The following COL4A3 variants were observed in gnomAD, a reference collection of about 807,000 sequenced individuals.
COL4A3 encodes collagen type IV alpha 3 chain.
COL4A3 carries 135 observed loss-of-function variants against 217.4 expected under a neutral mutation model. The ratio of observed to expected loss-of-function variants is 0.62; its 90% CI spans 0.54 to 0.72. The LOEUF is 0.72. Ranked by LOEUF, COL4A3 falls within the 30% of genes least tolerant of loss-of-function variation. The probability of loss-of-function intolerance (pLI) is 0.00; values close to 1 mark genes in which losing one functional copy is unlikely to be tolerated. For synonymous variants in COL4A3, 690 were observed against 736.3 expected, an observed-to-expected ratio of 0.94 and a Z score of 1.02; for missense variants, 1,868 against 2,119.9, an observed-to-expected ratio of 0.88 and a Z score of 2.33.
intron 1 of COL4A3, among the ~76,000 whole-genome samples, chr2:227,226,004 G>C (rs1284710777): frequency 6.6e-6 from 1 of 152,070 alleles, no homozygotes; most frequent in Admixed American, 6.6e-5. Flanking sequence ...GAGCCACCAT[G>C]CCCAGCCAGG....
At position 227,280,696 on chromosome 2, in the gene COL4A3, T is replaced by TCCTG. The variant is rs561974507; in HGVS notation, c.2374+109_2374+112dup. On this transcript the variant is annotated intron_variant, in intron 30 of 51. Coordinates refer to ENST00000396578, the MANE Select transcript of COL4A3 (RefSeq NM_000091.5). ...CATGAAGAATTCTCCCATCCAATGT[T>TCCTG]CCTGCCCTACCTTTCTTCCTTCTTT... is the stretch of plus-strand genomic sequence containing the variant. 134 of 1,338,086 alleles carry TCCTG rather than the reference T, an allele frequency of 1.0e-4. 1 individual carries two copies. In the East Asian group the frequency reaches 2.9e-3, roughly 29 times the overall value. The allele number at this position is 1,338,086 out of a possible 1,614,324, so 82.9% of individuals were successfully genotyped here.
At chr2:227,222,918 A>C (rs1369098186) in intron 1 of COL4A3, among the ~76,000 whole-genome samples, 1 of 152,262 alleles carries the variant, frequency 6.6e-6, no homozygotes, top group Non-Finnish European at 1.5e-5. Flanking sequence ...GTTCAGACTC[A>C]GCACTGATGG....
At chr2:227,222,091 C>T (rs1004504552) in intron 1 of COL4A3, among the ~76,000 whole-genome samples, 1 of 148,644 alleles carries the variant, frequency 6.7e-6, no homozygotes, top group African/African-American at 2.5e-5. Context: ...GAGTTTGAGA[C>T]CAGCCTGGAC....
rs1285083262 is a variant in COL4A3, at chr2:227,250,553, A to G, written c.547-587A>G. ...TATATATTGCCTTCATAGAGCTTAC[A>G]TTCTCATGGGGGAAACAAAAGCGTG... On this transcript the variant is annotated intron_variant, in intron 9 of 51. Coordinates refer to ENST00000396578, the MANE Select transcript of COL4A3 (RefSeq NM_000091.5). This position sits in a 1 kb window ranked among gnomAD's most constrained non-coding sequence, Gnocchi z 4.1. 1.3e-5 allele frequency among the ~76,000 whole-genome samples: 2 copies of G among 152,124 alleles called. No homozygotes were observed. The highest frequency in any genetic ancestry group is 6.6e-5 in the Admixed American group (1 of 15,260).
At position 227,280,548 on chromosome 2, in the gene COL4A3, C is replaced by A; in HGVS notation, c.2332C>A (p.Leu778Ile). The A allele has an allele frequency of 1.9e-6, 3 of 1,613,670 alleles. No individual in the cohort carries two copies. Among genetic ancestry groups the A allele is most frequent in the Non-Finnish European group, 2.5e-6 (3 of 1,179,584 alleles). The part of the protein sequence containing the change: ...GEIGLPGLPG[L>I]PGTPGNEGLD... ...AATTGGACTCCCTGGACTTCCAGGT[C>A]TCCCTGGAACTCCAGGAAATGAAGG... The change falls in exon 30 of 52, where the codon CTC becomes ATC. Residue 778 changes from leucine to isoleucine, a missense_variant. Leu to Ile is a conservative substitution (Grantham distance 5). This residue lies in a region of COL4A3 where 1,503 missense variants were observed against 1,786.1 expected (regional missense o/e 0.84). Coordinates refer to ENST00000396578, the MANE Select transcript of COL4A3 (RefSeq NM_000091.5).
At chr2:227,255,974 A>G (rs945712636) in intron 15 of COL4A3, 52 bp from the exon 16 acceptor site, 2 of 1,563,078 alleles carry the variant, frequency 1.3e-6, no homozygotes, top group African/African-American at 2.7e-5. Context: ...CCGTATTTGT[A>G]AAGTTAGCCA....
At chr2:227,202,893 A>G (rs1474719634) in intron 1 of COL4A3, among the ~76,000 whole-genome samples, 1 of 39,558 alleles carries the variant, frequency 2.5e-5, no homozygotes, top group Non-Finnish European at 4.2e-5. Context: ...ATGTGTATAT[A>G]TGTGTATATA....
At position 227,166,144 on chromosome 2, in the gene COL4A3, C is replaced by A. The variant is rs574492724; in HGVS notation, c.87+1331C>A. ...CACAATATGCCAAAGTTAATTGAACCATTTCCCTATCAGTTTACATTTAGA... is the reference window on the plus strand; with the variant it reads ...CACAATATGCCAAAGTTAATTGAACAATTTCCCTATCAGTTTACATTTAGA... On this transcript the variant is annotated intron_variant, in intron 1 of 51. Coordinates refer to ENST00000396578, the MANE Select transcript of COL4A3 (RefSeq NM_000091.5). 3.9e-5 allele frequency among the ~76,000 whole-genome samples: 6 copies of A among 152,302 alleles called. No individual in the cohort carries two copies. The East Asian group carries it at 5.8e-4, about 15-fold the overall frequency.
At chr2:227,171,612 TTC>T (rs527797706) in intron 1 of COL4A3, among the ~76,000 whole-genome samples, 218 of 152,296 alleles carry the variant, frequency 1.4e-3, no homozygotes, top group Non-Finnish European at 2.0e-3. Context: ...AGGCACTTAC[TTC>T]TCACAGTTCT....
At chr2:227,274,263 A>AAATAAATAAAT (rs1292723503) in intron 26 of COL4A3, among the ~76,000 whole-genome samples, 1 of 151,554 alleles carries the variant, frequency 6.6e-6, no homozygotes, top group Non-Finnish European at 1.5e-5. Context: ...ATAAATAAAT[A>AAATAAATAAAT]AATAAATAAA....
intron 1 of COL4A3, among the ~76,000 whole-genome samples, chr2:227,229,848 A>C (rs767348106): frequency 2.6e-5 from 4 of 152,048 alleles, no homozygotes; most frequent in Non-Finnish European, 4.4e-5. Flanking sequence ...GGAGATCGAG[A>C]CCATCCTGGC....
At chr2:227,265,121 T>C (rs919668314) in intron 21 of COL4A3, 1 of 152,250 alleles carries the variant, frequency 6.6e-6, no homozygotes, top group Non-Finnish European at 1.5e-5. Flanking sequence ...AAGCCCAGTA[T>C]GTAGCATGGG....
chr2:227,224,795 C>T (rs1312226485), intron 1 of COL4A3, among the ~76,000 whole-genome samples: 4 of 151,942 alleles, frequency 2.6e-5, no homozygotes, highest in African/African-American at 9.7e-5. Flanking sequence ...TTTGAGAAAA[C>T]AATTAATAAA....
chr2:227,308,049 A>G, intron 48 of COL4A3, 130 bp downstream of exon 48: 1 of 834,074 alleles, frequency 1.2e-6, no homozygotes, highest in South Asian at 1.4e-5. Flanking sequence ...TTTTAAAGAG[A>G]GCAAATAAAA....
chr2:227,279,262 T>G (rs978747632), intron 28 of COL4A3, among the ~76,000 whole-genome samples: 5 of 151,666 alleles, frequency 3.3e-5, no homozygotes, highest in African/African-American at 7.3e-5. Context: ...TGTTGTTGTT[T>G]TTTTTGTTGT....
chr2:227,175,908 C>T (rs985277403), intron 1 of COL4A3, among the ~76,000 whole-genome samples: 2 of 152,222 alleles, frequency 1.3e-5, no homozygotes, highest in African/African-American at 4.8e-5. Flanking sequence ...AAACATTCTT[C>T]TTTCATTCCT....
At chr2:227,247,842 C>G (rs1021152201) in intron 8 of COL4A3, among the ~76,000 whole-genome samples, 1 of 152,108 alleles carries the variant, frequency 6.6e-6, no homozygotes, top group African/African-American at 2.4e-5. Flanking sequence ...GAAAACTGAC[C>G]TCATGCTCAG....
intron 50 of COL4A3, among the ~76,000 whole-genome samples, chr2:227,310,004 T>G (rs2073680570): frequency 6.6e-6 from 1 of 152,236 alleles, no homozygotes; most frequent in Non-Finnish European, 1.5e-5. Flanking sequence ...ATAGGTAATT[T>G]CTATCATTTA....
intron 1 of COL4A3, among the ~76,000 whole-genome samples, chr2:227,222,174 T>TAATAATAAAAAA (rs773760137): frequency 8.8e-6 from 1 of 113,158 alleles, no homozygotes; most frequent in Non-Finnish European, 2.0e-5. Flanking sequence ...ATGATAATGA[T>TAATAATAAAAAA]AATAAAAAGC....
Sources: allele counts gnomAD v4.1 joint callset (sites outside exome capture counted in the v4.1 genomes callset), GRCh38; gene constraint gnomAD v4.1.1; regional missense constraint gnomAD v4.1.1; non-coding constraint Gnocchi (gnomAD v3.1); transcripts MANE v1.5; gene names NCBI Gene and HGNC (gene_info 2026-07-23, HGNC 2026-07-21).